Variants in RFX4 observed in about 807,000 individuals in gnomAD.
The protein encoded by RFX4 is transcription factor RFX4.
In RFX4, 10 loss-of-function variants were observed where a neutral mutation model predicts 95.0. The observed-to-expected ratio is 0.11, with a 90% CI of 0.06 to 0.18. The LOEUF is 0.18. RFX4 is among the 10% of genes least tolerant of loss of function. RFX4 has a pLI of 1.00. For synonymous variants in RFX4, 321 were observed against 340.7 expected (o/e 0.94, Z 0.64); for missense variants, 640 against 922.0 (o/e 0.69, Z 3.96).
intron 4 of RFX4, among the ~76,000 whole-genome samples, chr12:106,667,899 C>G (rs1256464524): frequency 2.6e-5 from 4 of 152,176 alleles, no homozygotes; most frequent in African/African-American, 4.8e-5. Flanking sequence ...TCTCCAGGGC[C>G]TGTGTTGTCA....
intron 3 of RFX4, among the ~76,000 whole-genome samples, chr12:106,650,688 A>T (rs1264751046): frequency 5.9e-5 from 9 of 152,030 alleles, no homozygotes. Context: ...AGATGTCGCC[A>T]TTTCACTCCA....
Position 106,720,766 on chromosome 12 carries a change from C to T in RFX4, c.1241C>T (p.Ala414Val), listed in dbSNP as rs371391011. ...CCATTTACTTTCTTGTAGGTGGCTGCCAAGAGACAAGGGTCCTTGAAGAAA... is the reference window on the plus strand; with the variant it reads ...CCATTTACTTTCTTGTAGGTGGCTGTCAAGAGACAAGGGTCCTTGAAGAAA... ...MVDRCVVKVA[A>V]KRQGSLKKVA... The change falls in exon 13 of 18, where the codon GCC becomes GTC. Residue 414 changes from alanine to valine, a missense_variant. Transcript: ENST00000392842. This position sits in a 1 kb window ranked among gnomAD's most constrained non-coding sequence, Gnocchi z 4.2. 1.4e-5 allele frequency: 22 copies of T among 1,613,900 alleles called. No individual in the cohort carries two copies. Among genetic ancestry groups the T allele is most frequent in the Non-Finnish European group, 1.9e-5 (22 of 1,179,998 alleles).
chr12:106,675,130 C>T lies in RFX4; in HGVS notation c.316-6863C>T, dbSNP rs145622809. Among the ~76,000 whole-genome samples the T allele has an allele frequency of 2.0e-3, 305 of 152,084 alleles. 3 individuals are homozygous for T. The highest frequency in any genetic ancestry group is 6.8e-3 in the African/African-American group (282 of 41,504). On this transcript the variant is annotated intron_variant, in intron 4 of 17. Transcript: ENST00000392842. Reference sequence around the variant, plus strand: ...GCATGGTAACTATAGTTAATAACAACGTATTCTTGAAAATTACTGGCCAGG... The same window carrying T: ...GCATGGTAACTATAGTTAATAACAATGTATTCTTGAAAATTACTGGCCAGG...
intron 2 of RFX4, among the ~76,000 whole-genome samples, chr12:106,613,895 A>G (rs1421124755): frequency 1.3e-5 from 2 of 152,184 alleles, no homozygotes; most frequent in Non-Finnish European, 2.9e-5. Flanking sequence ...GAATTGCTAG[A>G]TCATAATGTA....
At chr12:106,624,192 G>T (rs1280395776) in intron 2 of RFX4, among the ~76,000 whole-genome samples, 1 of 152,208 alleles carries the variant, frequency 6.6e-6, no homozygotes, top group Non-Finnish European at 1.5e-5. Context: ...ATCATTTATA[G>T]CTGAAAGGAA....
intron 8 of RFX4, among the ~76,000 whole-genome samples, chr12:106,700,886 T>C (rs1275932368): frequency 6.6e-6 from 1 of 152,242 alleles, no homozygotes; most frequent in Non-Finnish European, 1.5e-5. Context: ...TATTTTTGCT[T>C]TAGATAACTA....
chr12:106,712,549 C>A (rs755625045), intron 10 of RFX4, among the ~76,000 whole-genome samples: 6 of 152,048 alleles, frequency 3.9e-5, no homozygotes, highest in Non-Finnish European at 8.8e-5. Context: ...GTTAGAGTGG[C>A]CTGAAGGAGG....
At chr12:106,637,041 A>G (rs1307189001) in intron 2 of RFX4, among the ~76,000 whole-genome samples, 1 of 152,180 alleles carries the variant, frequency 6.6e-6, no homozygotes, top group Non-Finnish European at 1.5e-5. Flanking sequence ...AAGCCCCGAG[A>G]GAGAGTGTCT....
At chr12:106,753,076 G>GA (rs984965603) in intron 17 of RFX4, among the ~76,000 whole-genome samples, 1 of 152,008 alleles carries the variant, frequency 6.6e-6, no homozygotes, top group African/African-American at 2.4e-5. Flanking sequence ...GAGGCTTTCG[G>GA]AAAAAAACCC....
intron 3 of RFX4, among the ~76,000 whole-genome samples, chr12:106,640,933 A>G (rs2040610109): frequency 6.6e-6 from 1 of 152,048 alleles, no homozygotes; most frequent in Non-Finnish European, 1.5e-5. Flanking sequence ...GGTGCCTGCC[A>G]ACATGCCCGG....
At chr12:106,737,097 C>T (rs906929537) in intron 15 of RFX4, among the ~76,000 whole-genome samples, 2 of 149,804 alleles carry the variant, frequency 1.3e-5, no homozygotes, top group African/African-American at 2.5e-5. Flanking sequence ...CAGACCCTCA[C>T]AGCATGGACT....
chr12:106,591,818 A>G (rs2039551682), intron 1 of RFX4, among the ~76,000 whole-genome samples: 1 of 152,224 alleles, frequency 6.6e-6, no homozygotes, highest in South Asian at 2.1e-4. Context: ...GGTAACTTAA[A>G]CAATATATTG....
At chr12:106,693,040 A>G in intron 7 of RFX4, 1 of 379,184 alleles carries the variant, frequency 2.6e-6, no homozygotes. Context: ...ACAAACTTTG[A>G]TTCTCTCCTT....
At chr12:106,599,423 C>A (rs1349078958) in intron 1 of RFX4, among the ~76,000 whole-genome samples, 1 of 152,058 alleles carries the variant, frequency 6.6e-6, no homozygotes, top group East Asian at 1.9e-4. Context: ...AGATTCAAAT[C>A]CCTGCTCAGC....
At chr12:106,734,373 A>G (rs2042670427) in intron 15 of RFX4, among the ~76,000 whole-genome samples, 2 of 152,080 alleles carry the variant, frequency 1.3e-5, no homozygotes, top group African/African-American at 4.8e-5. Context: ...AGGTGGGTGG[A>G]TCACTTGAGG....
At chr12:106,728,230 A>ACT (rs1342460293) in intron 13 of RFX4, among the ~76,000 whole-genome samples, 1 of 150,340 alleles carries the variant, frequency 6.7e-6, no homozygotes, top group Non-Finnish European at 1.5e-5. Context: ...CTTTTTCCAT[A>ACT]ACAGGCTCTG....
At chr12:106,732,846 T>C (rs2042638792) in intron 14 of RFX4, 78 bp from the exon 15 acceptor site, 4 of 1,383,004 alleles carry the variant, frequency 2.9e-6, no homozygotes, top group Non-Finnish European at 4.0e-6. Context: ...ATTAGAATAA[T>C]ATTTCACTTT....
chr12:106,633,676 G>C (rs2040460173), intron 2 of RFX4, among the ~76,000 whole-genome samples: 1 of 152,176 alleles, frequency 6.6e-6, no homozygotes, highest in Non-Finnish European at 1.5e-5. Flanking sequence ...TTAAACCCAT[G>C]CCTGCCTGTC....
intron 4 of RFX4, among the ~76,000 whole-genome samples, chr12:106,662,775 A>T (rs538370575): frequency 1.3e-5 from 2 of 151,862 alleles, no homozygotes; most frequent in Non-Finnish European, 2.9e-5. Context: ...CTTTTTTTGC[A>T]TGTGTATATT....
Sources: allele counts gnomAD v4.1 joint callset (sites outside exome capture counted in the v4.1 genomes callset), GRCh38; gene constraint gnomAD v4.1.1; non-coding constraint Gnocchi (gnomAD v3.1); transcripts MANE v1.5; gene names NCBI Gene and HGNC (gene_info 2026-07-23, HGNC 2026-07-21).